SLC12A6: variants seen among roughly 807,000 people sequenced by gnomAD.
SLC12A6 encodes solute carrier family 12 member 6, also known as K-Cl cotransporter 3.
Under a neutral mutation model 135.3 loss-of-function variants are expected in SLC12A6, and 66 were observed. The ratio of observed to expected loss-of-function variants is 0.49; its 90% confidence interval spans 0.40 to 0.60. The LOEUF (loss-of-function observed/expected upper bound fraction) is 0.60. SLC12A6 is among the 20% of genes least tolerant of loss of function. The pLI is 0.00. For synonymous variants in SLC12A6, 513 were observed against 508.8 expected, an observed-to-expected ratio of 1.01 and a Z score of -0.11; for missense variants, 1,058 against 1,452.3, an observed-to-expected ratio of 0.73 and a Z score of 4.41.
In SLC12A6 at chr15:34,254,401, G is replaced by A; in HGVS notation, c.1065C>T (p.Ile355=). The change falls in exon 9 of 26, where the codon ATC becomes ATT. Residue 355 remains isoleucine (I), a synonymous_variant. Coordinates refer to ENST00000354181, the MANE Select transcript of SLC12A6 (RefSeq NM_001365088.1). The stretch of plus-strand genomic sequence containing the variant: ...TGATGGCTCCAGCATAGATGGCCAA[G>A]ATGGACACAATGACACAGGCCAGGA... The part of the protein sequence containing the change: ...SLFLACVIVS[I]LAIYAGAIKS... The A allele has an allele frequency of 6.2e-7, 1 of 1,613,424 alleles. No homozygotes were observed. The highest frequency in any genetic ancestry group is 1.3e-5 in the African/African-American group (1 of 75,032).
At chr15:34,326,598 T>C (rs1012720490) in intron 2 of SLC12A6, among the ~76,000 whole-genome samples, 1 of 152,178 alleles carries the variant, frequency 6.6e-6, no homozygotes, top group African/African-American at 2.4e-5. Context: ...AGGCACATAA[T>C]TTGTGTAAAA....
chr15:34,324,310 A>T (rs536117233), intron 2 of SLC12A6, among the ~76,000 whole-genome samples: 2 of 152,310 alleles, frequency 1.3e-5, no homozygotes, highest in South Asian at 4.1e-4. Context: ...AAATTATGGT[A>T]TTTTTAAGTA....
intron 2 of SLC12A6, among the ~76,000 whole-genome samples, chr15:34,322,978 CAAAAAAAAAA>C (rs1218702689): frequency 2.6e-5 from 1 of 39,014 alleles, no homozygotes; most frequent in East Asian, 5.5e-4. Context: ...AACTCTGTCT[CAAAAAAAAAA>C]AAAAAAAAAA....
rs564536184 is a variant in SLC12A6 at position 34,250,687 on chromosome 15, G to C, written c.1535C>G (p.Ala512Gly). Residue 512 changes from alanine (A) to glycine (G), a missense_variant, in exon 12 of 26, where the codon GCT becomes GGT. Around this residue, in one of 6 missense-constraint regions of SLC12A6, gnomAD observed 297 missense variants for 318.5 expected, o/e 0.93. Coordinates refer to ENST00000354181, the MANE Select transcript of SLC12A6 (RefSeq NM_001365088.1). ...AGTACCAATCGGAATAGACTTCTGA[G>C]CATCTTTCAGATCTCCAGATCTGTT... ...GSNRSGDLKD[A>G]QKSIPIGTIL... is the part of the protein sequence containing the mutation. The C allele has an allele frequency of 6.2e-7, 1 of 1,607,450 alleles. No homozygotes were observed. Among genetic ancestry groups the C allele is most frequent in the Admixed American group, 1.7e-5 (1 of 60,010 alleles).
chr15:34,245,979 C>CTAGA (rs1891957979), intron 13 of SLC12A6, 112 bp from the exon 14 acceptor site: 2 of 818,804 alleles, frequency 2.4e-6, no homozygotes, highest in African/African-American at 3.4e-5. Flanking sequence ...GTCACCCAGG[C>CTAGA]TAGAGTGCAG....
intron 3 of SLC12A6, among the ~76,000 whole-genome samples, chr15:34,264,990 A>T (rs2140815816): frequency 6.6e-6 from 1 of 152,256 alleles, no homozygotes; most frequent in Non-Finnish European, 1.5e-5. Flanking sequence ...AGGTCAGGAG[A>T]TTGAGACCAT....
chr15:34,332,762 G>A lies in SLC12A6; in HGVS notation c.271+3648C>T, dbSNP rs538983464. 9.3e-4 allele frequency among the ~76,000 whole-genome samples: 139 copies of A among 149,996 alleles called. 2 individuals carry two copies. The highest frequency in any genetic ancestry group is 3.3e-3 in the African/African-American group (132 of 40,532). Reference sequence around the variant, plus strand: ...AGCGCCACTGCACTCCAGCCTGGGCGACAGCGCGAGACTTTGCCTCAAAAA... The same window carrying A: ...AGCGCCACTGCACTCCAGCCTGGGCAACAGCGCGAGACTTTGCCTCAAAAA... On this transcript the variant is annotated intron_variant, in intron 2 of 25. Coordinates refer to ENST00000354181, the MANE Select transcript of SLC12A6 (RefSeq NM_001365088.1).
chr15:34,234,571 C>T, intron 25 of SLC12A6, among the ~76,000 whole-genome samples: 1 of 151,974 alleles, frequency 6.6e-6, no homozygotes. Flanking sequence ...GGGGTTTCAC[C>T]ATGTTGGCCA....
chr15:34,282,059 G>A (rs1307022180), intron 2 of SLC12A6, among the ~76,000 whole-genome samples: 2 of 152,132 alleles, frequency 1.3e-5, no homozygotes, highest in East Asian at 3.8e-4. Flanking sequence ...CTACATAGTG[G>A]CTTGTGTAGA....
In SLC12A6 at chr15:34,240,654, C is replaced by T. The variant is rs781098444; in HGVS notation, c.2436+7G>A. On this transcript the variant is annotated splice_region_variant and intron_variant, in intron 19 of 25. Transcript: ENST00000354181. Reference sequence around the variant, plus strand: ...GAGTTCCAATACCTCAAAAGCCTGACTCTTACCTGCTCAGCAGCTAAAGCT... The same window carrying T: ...GAGTTCCAATACCTCAAAAGCCTGATTCTTACCTGCTCAGCAGCTAAAGCT... The T allele has an allele frequency of 7.4e-6, 12 of 1,612,792 alleles. No homozygotes were observed. The African/African-American group carries it at 8.0e-5, about 11-fold the overall frequency.
rs536506096 is a variant in SLC12A6 at position 34,308,630 on chromosome 15, C to CAAAAAAAAAAAAAA, written c.271+27766_271+27779dup. On this transcript the variant is annotated intron_variant, in intron 2 of 25. Transcript: ENST00000354181. ...AGGAAGCCAGACACTGTCCACCTGA[C>CAAAAAAAAAAAAAA]AAAAAAAAAAAAAAAAAAAAAACAA... Among the ~76,000 whole-genome samples the CAAAAAAAAAAAAAA allele has an allele frequency of 3.2e-5, 2 of 63,336 alleles. 1 individual carries two copies. Among genetic ancestry groups the CAAAAAAAAAAAAAA allele is most frequent in the Non-Finnish European group, 6.6e-5 (2 of 30,214 alleles). 41.6% of individuals were successfully genotyped at this position (63,336 alleles called of 152,430 possible).
intron 2 of SLC12A6, among the ~76,000 whole-genome samples, chr15:34,320,644 A>C (rs1424830486): frequency 4.7e-5 from 7 of 149,858 alleles, no homozygotes; most frequent in African/African-American, 1.5e-4. Context: ...AGGCTGGGTG[A>C]GGTGGCTCAT....
At chr15:34,239,833 T>G (rs1184287921) in intron 19 of SLC12A6, among the ~76,000 whole-genome samples, 1 of 152,116 alleles carries the variant, frequency 6.6e-6, no homozygotes, top group African/African-American at 2.4e-5. Context: ...AGAACTAGGC[T>G]CTCCTGATTT....
At chr15:34,326,159 T>A (rs1263889280) in intron 2 of SLC12A6, among the ~76,000 whole-genome samples, 1 of 152,194 alleles carries the variant, frequency 6.6e-6, no homozygotes. Context: ...CAACTCTTTA[T>A]AAAAGGTTGC....
At chr15:34,297,889 A>G (rs756499409) in intron 2 of SLC12A6, among the ~76,000 whole-genome samples, 42 of 152,194 alleles carry the variant, frequency 2.8e-4, no homozygotes, top group Non-Finnish European at 4.8e-4. Context: ...GAGTACAAAA[A>G]TGCAAAAAGA....
At chr15:34,298,542 T>C (rs1006180983) in intron 2 of SLC12A6, among the ~76,000 whole-genome samples, 2 of 151,998 alleles carry the variant, frequency 1.3e-5, no homozygotes, top group African/African-American at 2.4e-5. Context: ...GTCAAGGGGA[T>C]AACTGAGCTA....
At chr15:34,261,051 T>C in intron 3 of SLC12A6, 31 bp from the exon 4 acceptor site, 1 of 1,111,104 alleles carries the variant, frequency 9.0e-7, no homozygotes, top group Non-Finnish European at 1.4e-6. Flanking sequence ...CAAGTTAGTT[T>C]CTCACTGGTT....
At chr15:34,259,571 G>A (rs934397048) in intron 4 of SLC12A6, among the ~76,000 whole-genome samples, 1 of 151,844 alleles carries the variant, frequency 6.6e-6, no homozygotes, top group Admixed American at 6.6e-5. Flanking sequence ...GGTCCTTTGA[G>A]CCCAGGAGGT....
Position 34,251,032 on chromosome 15 carries a change from G to A in SLC12A6, c.1359C>T (p.Pro453=), listed in dbSNP as rs767241103. The A allele has an allele frequency of 1.9e-6, 3 of 1,610,494 alleles. No homozygotes were observed. The highest frequency in any genetic ancestry group is 2.5e-6 in the Non-Finnish European group (3 of 1,176,834). Residue 453 remains proline, a synonymous_variant, in exon 11 of 26, where the codon CCC becomes CCT. Transcript: ENST00000354181. The part of the protein sequence containing the change: ...ITENLWSNYL[P]KGEIIEKPSA... ...AAGGCTTTTCGATGATCTCTCCCTTGGGTAGGTAATTACTCCAAAGATTCT... is the reference window on the plus strand; with the variant it reads ...AAGGCTTTTCGATGATCTCTCCCTTAGGTAGGTAATTACTCCAAAGATTCT...
Sources: allele counts gnomAD v4.1 joint callset (sites outside exome capture counted in the v4.1 genomes callset), GRCh38; gene constraint gnomAD v4.1.1; regional missense constraint gnomAD v4.1.1; transcripts MANE v1.5; gene names NCBI Gene and HGNC (gene_info 2026-07-23, HGNC 2026-07-21).